BRIP1: variants seen among roughly 807,000 people sequenced by gnomAD.
BRIP1 encodes BRCA1 interacting DNA helicase 1.
A neutral mutation model predicts 119.7 loss-of-function variants in BRIP1; 88 were observed. The observed-to-expected ratio is 0.74, with a 90% CI of 0.62 to 0.88. BRIP1 has a LOEUF of 0.88. Among genes scored for constraint, BRIP1 ranks in the 40% least tolerant of loss-of-function variants. BRIP1 has a pLI of 0.00. For synonymous variants in BRIP1, 443 were observed against 496.5 expected (o/e 0.89, Z 1.43); for missense variants, 1,259 against 1,455.4 (o/e 0.87, Z 2.20).
At chr17:61,685,371 G>C (rs2061344931) in intron 19 of BRIP1, 1 of 156,192 alleles carries the variant, frequency 6.4e-6, no homozygotes, top group African/African-American at 2.4e-5. Context: ...CTAAAAATAA[G>C]TTCATAAGAA....
chr17:61,707,732 AT>A (rs940325695), intron 17 of BRIP1, among the ~76,000 whole-genome samples: 97 of 151,544 alleles, frequency 6.4e-4, no homozygotes, highest in African/African-American at 2.0e-3. Context: ...GGATATTAAG[AT>A]TTTTTTTTGA....
In BRIP1 at chr17:61,697,336, C is replaced by CAAAAAA. The variant is rs55963888; in HGVS notation, c.2493-3830_2493-3825dup. On this transcript the variant is annotated intron_variant, in intron 17 of 19. Coordinates refer to ENST00000259008, the MANE Select transcript of BRIP1 (RefSeq NM_032043.3). ...CAGGCAACAGTGTGAGACTCTGTCT[C>CAAAAAA]AAAAAAAAAAAAAAAAAAAAAAAAA... Among the ~76,000 whole-genome samples, 21 of 59,168 alleles carry CAAAAAA rather than the reference C, an allele frequency of 3.5e-4. 1 individual carries two copies. The highest frequency in any genetic ancestry group is 2.0e-3 in the South Asian group (2 of 998). 38.8% of individuals were successfully genotyped at this position (59,168 alleles called of 152,430 possible).
At position 61,798,521 on chromosome 17, in the gene BRIP1, T is replaced by C. The variant is rs925959709; in HGVS notation, c.1340+579A>G. Among the ~76,000 whole-genome samples the C allele has an allele frequency of 6.6e-6, 1 of 151,962 alleles. No homozygotes were observed. Among genetic ancestry groups the C allele is most frequent in the Non-Finnish European group, 1.5e-5 (1 of 67,904 alleles). On this transcript the variant is annotated intron_variant, in intron 9 of 19. Transcript: ENST00000259008. The surrounding 1 kb of genome is among the most constrained non-coding windows in gnomAD (Gnocchi z 5.5). ...GTGTAACATTCAAATTTTTTTAAAG[T>C]GTAAATGTGAAGGAAACAGAAAAAT...
chr17:61,762,254 G>T lies in BRIP1; in HGVS notation c.2097+14147C>A, dbSNP rs1439164512. 6.6e-6 allele frequency among the ~76,000 whole-genome samples: 1 copy of T among 151,814 alleles called. No homozygotes were observed. Among genetic ancestry groups the T allele is most frequent in the Admixed American group, 6.6e-5 (1 of 15,224 alleles). Reference sequence around the variant, plus strand: ...CAATATTTAAAAAAAAACTCAAAATGAATTAAAGATTTAAACCCAAGAACT... The same window carrying T: ...CAATATTTAAAAAAAAACTCAAAATTAATTAAAGATTTAAACCCAAGAACT... On this transcript the variant is annotated intron_variant, in intron 14 of 19. Transcript: ENST00000259008. This position sits in a 1 kb window ranked among gnomAD's most constrained non-coding sequence, Gnocchi z 4.3.
At chr17:61,821,526 TTTTTAA>T (rs2078325733) in intron 6 of BRIP1, among the ~76,000 whole-genome samples, 2 of 150,062 alleles carry the variant, frequency 1.3e-5, no homozygotes, top group Admixed American at 6.7e-5. Context: ...TACCTTTTTA[TTTTTAA>T]TTTTATTTTT....
chr17:61,736,703 T>C lies in BRIP1; in HGVS notation c.2379+6310A>G, dbSNP rs1256909199. Among the ~76,000 whole-genome samples the C allele has an allele frequency of 1.3e-5, 2 of 152,186 alleles. No homozygotes were observed. The highest frequency in any genetic ancestry group is 2.9e-5 in the Non-Finnish European group (2 of 68,018). On this transcript the variant is annotated intron_variant, in intron 16 of 19. Transcript: ENST00000259008. This position sits in a 1 kb window ranked among gnomAD's most constrained non-coding sequence, Gnocchi z 4.4. The stretch of plus-strand genomic sequence containing the variant: ...CCCCATTCAATCATTAACTAAAACA[T>C]TTATTAAACACTGTGTTTTTAGGTA...
Position 61,847,098 on chromosome 17 carries a change from T to C in BRIP1, c.627+3A>G, listed in dbSNP as rs777434654. 4 of 1,613,870 alleles carry C rather than the reference T, an allele frequency of 2.5e-6. No individual in the cohort carries two copies. Among genetic ancestry groups the C allele is most frequent in the Non-Finnish European group, 2.5e-6 (3 of 1,179,872 alleles). On this transcript the variant is annotated splice_donor_region_variant and intron_variant, in intron 6 of 19. Transcript: ENST00000259008. ...AAAACTGAACAATGGCATTAATACA[T>C]ACTTTCTGTGGCGAAAAGGAGTTTA...
intron 8 of BRIP1, among the ~76,000 whole-genome samples, chr17:61,800,113 A>G (rs1354071445): frequency 6.6e-6 from 1 of 152,168 alleles, no homozygotes. Context: ...TCTTTGTTCC[A>G]TAAGCAAGAG....
At position 61,859,729 on chromosome 17, in the gene BRIP1, A is replaced by G. The variant is rs1261979500; in HGVS notation, c.205+67T>C. 3.9e-6 allele frequency: 4 copies of G among 1,016,932 alleles called. No individual in the cohort carries two copies. The Admixed American group carries it at 5.1e-5, about 13-fold the overall frequency. 63.0% of individuals were successfully genotyped at this position (1,016,932 alleles called of 1,614,324 possible). On this transcript the variant is annotated intron_variant, in intron 3 of 19. Transcript: ENST00000259008. ...ACAGCATGGCTGAACCAGTCTGGAT[A>G]AAGAATACTGTATTATATTTTCTCA...
rs1567828498 is a variant in BRIP1 at position 61,798,262 on chromosome 17, T to G, written c.1340+838A>C. On this transcript the variant is annotated intron_variant, in intron 9 of 19. Transcript: ENST00000259008. The surrounding 1 kb of genome is among the most constrained non-coding windows in gnomAD (Gnocchi z 5.5). ...TCTTAACATGGAAAGGTCTCCAAAATACACTGGGAATTGAAAAAAGCAAGT... is the reference window on the plus strand; with the variant it reads ...TCTTAACATGGAAAGGTCTCCAAAAGACACTGGGAATTGAAAAAAGCAAGT... Among the ~76,000 whole-genome samples the G allele has an allele frequency of 6.6e-6, 1 of 151,860 alleles. No homozygotes were observed. The highest frequency in any genetic ancestry group is 6.6e-5 in the Admixed American group (1 of 15,212).
rs1348149400 is a variant in BRIP1, at chr17:61,746,739, G to A, written c.2098-2148C>T. On this transcript the variant is annotated intron_variant, in intron 14 of 19. Coordinates refer to ENST00000259008, the MANE Select transcript of BRIP1 (RefSeq NM_032043.3). The surrounding 1 kb of genome is among the most constrained non-coding windows in gnomAD (Gnocchi z 4.9). ...AGAGAAATAAACAGCAATATAAGAG[G>A]AGTAGGAAAGTCATATATCTAACCT... is the stretch of plus-strand genomic sequence containing the variant. Among the ~76,000 whole-genome samples the A allele has an allele frequency of 6.6e-6, 1 of 152,018 alleles. No homozygotes were observed. The highest frequency in any genetic ancestry group is 2.4e-5 in the African/African-American group (1 of 41,394).
chr17:61,765,829 G>GCACACACACACACA lies in BRIP1; in HGVS notation c.2097+10558_2097+10571dup, dbSNP rs71150698. ...AAAGTACATAAATGACTATATTCAT[G>GCACACACACACACA]CACACACACACACACACACACACAC... On this transcript the variant is annotated intron_variant, in intron 14 of 19. Transcript: ENST00000259008. Among the ~76,000 whole-genome samples, 414 of 146,528 alleles carry GCACACACACACACA rather than the reference G, an allele frequency of 2.8e-3. 1 individual carries two copies. The highest frequency in any genetic ancestry group is 2.7e-3 in the Non-Finnish European group (180 of 66,696).
At chr17:61,784,940 G>A (rs2077683143) in intron 10 of BRIP1, among the ~76,000 whole-genome samples, 1 of 152,158 alleles carries the variant, frequency 6.6e-6, no homozygotes, top group East Asian at 1.9e-4. Context: ...GGTATTTATA[G>A]TGATACAAAC....
At position 61,789,166 on chromosome 17, in the gene BRIP1, C is replaced by CTA. The variant is rs2077778118; in HGVS notation, c.1473+4429_1473+4430dup. Among the ~76,000 whole-genome samples the CTA allele has an allele frequency of 6.6e-6, 1 of 151,832 alleles. No homozygotes were observed. The highest frequency in any genetic ancestry group is 1.5e-5 in the Non-Finnish European group (1 of 67,956). Reference sequence around the variant, plus strand: ...CCTGTAGTCCCAGCTACTGAGCAGGCTATGGCAGGAGGATCCCTTAAGACC... The same window carrying CTA: ...CCTGTAGTCCCAGCTACTGAGCAGGCTATATGGCAGGAGGATCCCTTAAGACC... On this transcript the variant is annotated intron_variant, in intron 10 of 19. Coordinates refer to ENST00000259008, the MANE Select transcript of BRIP1 (RefSeq NM_032043.3). The surrounding 1 kb of genome is among the most constrained non-coding windows in gnomAD (Gnocchi z 4.8).
At chr17:61,719,561 A>G (rs772580308) in intron 16 of BRIP1, among the ~76,000 whole-genome samples, 1 of 151,786 alleles carries the variant, frequency 6.6e-6, no homozygotes, top group Admixed American at 6.6e-5. Flanking sequence ...CGTCTTTACT[A>G]AAAATACAAA....
In BRIP1 at chr17:61,760,374, C is replaced by G. The variant is rs897307971; in HGVS notation, c.2098-15783G>C. ...AGATCCCAAATAAATAACATTACTC[C>G]TCAAGGATCTAGAAAAAGAAGAACT... On this transcript the variant is annotated intron_variant, in intron 14 of 19. Transcript: ENST00000259008. This position sits in a 1 kb window ranked among gnomAD's most constrained non-coding sequence, Gnocchi z 4.6. 6.6e-6 allele frequency among the ~76,000 whole-genome samples: 1 copy of G among 151,656 alleles called. No homozygotes were observed. Among genetic ancestry groups the G allele is most frequent in the Non-Finnish European group, 1.5e-5 (1 of 67,816 alleles).
Position 61,687,543 on chromosome 17 carries a change from GA to G in BRIP1, c.2576-1379del, listed in dbSNP as rs2061380016. On this transcript the variant is annotated intron_variant, in intron 18 of 19. Coordinates refer to ENST00000259008, the MANE Select transcript of BRIP1 (RefSeq NM_032043.3). This position sits in a 1 kb window ranked among gnomAD's most constrained non-coding sequence, Gnocchi z 5.1. Reference sequence around the variant, plus strand: ...AATACAGTCATTAAGCTCTGAAATTGAAAAGGTAGAGTCTACACCCACACAT... The same window carrying G: ...AATACAGTCATTAAGCTCTGAAATTGAAAGGTAGAGTCTACACCCACACAT... Among the ~76,000 whole-genome samples, 1 of 151,992 alleles carries G rather than the reference GA, an allele frequency of 6.6e-6. No individual in the cohort carries two copies. The highest frequency in any genetic ancestry group is 1.9e-4 in the East Asian group (1 of 5,188).
rs2061478781 is a variant in BRIP1 at position 61,693,496 on chromosome 17, TTC to T, written c.2507_2508del (p.Arg836LysfsTer2). ...ACTAGAATAAGAGCTCCCCAATCATTTCTGTGTCTAATACATCTAGAAAAAAT... is the reference window on the plus strand; with the variant it reads ...ACTAGAATAAGAGCTCCCCAATCATTTGTGTCTAATACATCTAGAAAAAAT... ...NQALGRCIRHRNDWGALILVD... is the reference protein window; with the variant it reads ...NQALGRCIRHXNDWGALILVD... On this transcript the variant is annotated frameshift_variant, in exon 18 of 20. Transcript: ENST00000259008. LOFTEE classifies it high-confidence loss of function. This position sits in a 1 kb window ranked among gnomAD's most constrained non-coding sequence, Gnocchi z 4.2. 1.9e-6 allele frequency: 3 copies of T among 1,612,916 alleles called. No homozygotes were observed. The highest frequency in any genetic ancestry group is 2.5e-6 in the Non-Finnish European group (3 of 1,178,946).
chr17:61,832,147 G>C lies in BRIP1; in HGVS notation c.627+14954C>G, dbSNP rs369544429. On this transcript the variant is annotated intron_variant, in intron 6 of 19. Coordinates refer to ENST00000259008, the MANE Select transcript of BRIP1 (RefSeq NM_032043.3). The surrounding 1 kb of genome is among the most constrained non-coding windows in gnomAD (Gnocchi z 5.5). ...AATGTCTGAATCCGAGACTAGGGCA[G>C]GGAAAATATAAGGTGAGCCTGGAAC... 5.7e-4 allele frequency among the ~76,000 whole-genome samples: 87 copies of C among 152,230 alleles called. 1 individual carries two copies. In the South Asian group the frequency reaches 0.017, roughly 29 times the overall value.
Sources: gnomAD v4.1 joint callset for allele counts (sites outside exome capture counted in the v4.1 genomes callset) on GRCh38, gnomAD v4.1.1 for gene constraint, Gnocchi (gnomAD v3.1) non-coding constraint, MANE v1.5 for transcripts, NCBI Gene and HGNC (gene_info 2026-07-23, HGNC 2026-07-21) for gene names.